The following NYAP2 variants were observed in gnomAD, a reference collection of about 807,000 sequenced individuals.
NYAP2 encodes neuronal tyrosine-phosphorylated phosphoinositide-3-kinase adaptor 2.
In NYAP2, 23 loss-of-function variants were observed where a neutral mutation model predicts 50.4. That is an observed-to-expected ratio of 0.46 (90% CI 0.33 to 0.65). The LOEUF is 0.65. Ranked by LOEUF, NYAP2 falls within the 30% of genes least tolerant of loss-of-function variation. The probability of loss-of-function intolerance (pLI) is 0.02; values close to 1 mark genes in which losing one functional copy is unlikely to be tolerated. For missense variants in NYAP2, 885 were observed against 861.0 expected (o/e 1.03, Z -0.35); for synonymous variants, 394 against 365.2 (o/e 1.08, Z -0.90).
chr2:225,695,194 G>A, the NYAP2 span, among the ~76,000 whole-genome samples: 2 of 151,516 alleles, frequency 1.3e-5, no homozygotes, highest in South Asian at 4.2e-4. Context: ...ATACATATAT[G>A]AAATGTTATG....
intron 3 of NYAP2, among the ~76,000 whole-genome samples, chr2:225,480,109 A>C (rs1690180584): frequency 6.6e-6 from 1 of 152,144 alleles, no homozygotes; most frequent in African/African-American, 2.4e-5. Flanking sequence ...TAATGTAGAC[A>C]ATTGTTTCTG....
At chr2:225,594,739 G>C (rs1692567799) in intron 5 of NYAP2, among the ~76,000 whole-genome samples, 2 of 152,086 alleles carry the variant, frequency 1.3e-5, no homozygotes, top group African/African-American at 4.8e-5. Flanking sequence ...GTAAATGGAT[G>C]ACAATCCCAA....
At chr2:225,684,913 A>C in the NYAP2 span, among the ~76,000 whole-genome samples, 1 of 152,108 alleles carries the variant, frequency 6.6e-6, no homozygotes, top group Non-Finnish European at 1.5e-5. Flanking sequence ...GTTTGGACCC[A>C]CTGGTCTGTT....
chr2:225,401,354 T>C (rs1345695984), intron 2 of NYAP2, among the ~76,000 whole-genome samples: 1 of 152,104 alleles, frequency 6.6e-6, no homozygotes, highest in African/African-American at 2.4e-5. Flanking sequence ...AGGGTATTAA[T>C]TGGCATTCAA....
chr2:225,432,051 G>T (rs559799838), intron 3 of NYAP2, among the ~76,000 whole-genome samples: 1 of 151,822 alleles, frequency 6.6e-6, no homozygotes, highest in African/African-American at 2.4e-5. Flanking sequence ...CTCACTGCAA[G>T]CTCCGTCTCC....
At chr2:225,441,177 C>T (rs1689465252) in intron 3 of NYAP2, among the ~76,000 whole-genome samples, 1 of 152,194 alleles carries the variant, frequency 6.6e-6, no homozygotes, top group Admixed American at 6.5e-5. Flanking sequence ...GCATGAAGCT[C>T]TGCAGATCAG....
intron 3 of NYAP2, among the ~76,000 whole-genome samples, chr2:225,466,889 C>G (rs1233836435): frequency 6.6e-6 from 1 of 152,012 alleles, no homozygotes; most frequent in South Asian, 2.1e-4. Flanking sequence ...AAGGAGAGGC[C>G]GAGGCAAGTT....
At chr2:225,699,384 TGGAA>T in the NYAP2 span, 1 of 151,876 alleles carries the variant, frequency 6.6e-6, no homozygotes, top group African/African-American at 2.4e-5. Flanking sequence ...ACTGTGACAA[TGGAA>T]GGAACAAGGA....
intron 3 of NYAP2, among the ~76,000 whole-genome samples, chr2:225,432,144 ATTTTTTT>A (rs751205603): frequency 3.7e-4 from 44 of 119,528 alleles, no homozygotes; most frequent in Non-Finnish European, 5.4e-4. Context: ...CGCCCGCCTA[ATTTTTTT>A]TTTTTTTTTT....
At chr2:225,459,301 G>A (rs1689786621) in intron 3 of NYAP2, among the ~76,000 whole-genome samples, 1 of 152,152 alleles carries the variant, frequency 6.6e-6, no homozygotes, top group Admixed American at 6.6e-5. Flanking sequence ...TGTTGACATT[G>A]GGATTTAGGT....
At chr2:225,664,054 T>G in the NYAP2 span, among the ~76,000 whole-genome samples, 1 of 152,158 alleles carries the variant, frequency 6.6e-6, no homozygotes, top group African/African-American at 2.4e-5. Context: ...TTCCCTGTAC[T>G]TACTGTCATA....
chr2:225,648,899 A>T (rs181078241), intron 6 of NYAP2, among the ~76,000 whole-genome samples: 1 of 152,174 alleles, frequency 6.6e-6, no homozygotes, highest in African/African-American at 2.4e-5. Context: ...TTCTTAAGAG[A>T]GAAGGTGCAG....
chr2:225,648,877 C>A (rs527422315), intron 6 of NYAP2, among the ~76,000 whole-genome samples: 1 of 152,076 alleles, frequency 6.6e-6, no homozygotes, highest in Non-Finnish European at 1.5e-5. Context: ...TGAAACCATG[C>A]GACTGCTGAT....
chr2:225,468,458 G>A (rs1386040063), intron 3 of NYAP2, among the ~76,000 whole-genome samples: 1 of 152,160 alleles, frequency 6.6e-6, no homozygotes, highest in Non-Finnish European at 1.5e-5. Context: ...AGACAGGCCA[G>A]TGAGAAAGGA....
the NYAP2 span, chr2:225,701,509 G>T: frequency 6.6e-6 from 1 of 151,710 alleles, no homozygotes. Flanking sequence ...TAGAATTGAT[G>T]AAAAGAAAAT....
At chr2:225,639,815 G>A (rs756323552) in intron 6 of NYAP2, among the ~76,000 whole-genome samples, 3 of 152,162 alleles carry the variant, frequency 2.0e-5, no homozygotes, top group Non-Finnish European at 4.4e-5. Flanking sequence ...GAGAGTGACA[G>A]GGCGCTTCCT....
Position 225,461,618 on chromosome 2 carries a change from A to G in NYAP2, c.222-51753A>G, listed in dbSNP as rs114017538. ...TACTTTTTGCTTCATAGCTTGTACCATATTTTATTTTGGAGACCATCTCAG... is the reference window on the plus strand; with the variant it reads ...TACTTTTTGCTTCATAGCTTGTACCGTATTTTATTTTGGAGACCATCTCAG... On this transcript the variant is annotated intron_variant, in intron 3 of 6. Coordinates refer to ENST00000636099, the Ensembl canonical transcript of NYAP2. Among the ~76,000 whole-genome samples, 820 of 152,292 alleles carry G rather than the reference A, an allele frequency of 5.4e-3. 7 individuals are homozygous for G. The highest frequency in any genetic ancestry group is 0.018 in the African/African-American group (767 of 41,544).
chr2:225,610,967 T>G (rs1692872917), intron 5 of NYAP2, among the ~76,000 whole-genome samples: 2 of 152,188 alleles, frequency 1.3e-5, no homozygotes, highest in African/African-American at 4.8e-5. Context: ...CCATTGACAG[T>G]TGTAGAATAT....
chr2:225,434,936 T>C (rs1008523707), intron 3 of NYAP2, among the ~76,000 whole-genome samples: 2 of 152,228 alleles, frequency 1.3e-5, no homozygotes, highest in African/African-American at 4.8e-5. Flanking sequence ...GAATTAATCC[T>C]TTATTAAGAA....
Sources: allele counts gnomAD v4.1 joint callset (sites outside exome capture counted in the v4.1 genomes callset), GRCh38; gene constraint gnomAD v4.1.1; transcripts MANE v1.5; gene names NCBI Gene and HGNC (gene_info 2026-07-23, HGNC 2026-07-21).